The following SYT1 variants were observed in gnomAD, a reference collection of about 807,000 sequenced individuals.
SYT1 encodes the protein synaptotagmin 1, also known as synaptotagmin-1.
Under a neutral mutation model 44.8 loss-of-function variants are expected in SYT1, and 8 were observed. The ratio of observed to expected loss-of-function variants is 0.18; its 90% CI spans 0.10 to 0.32. The LOEUF is 0.32. SYT1 is among the 10% of genes least tolerant of loss of function. SYT1 has a pLI of 1.00. For synonymous variants in SYT1, 154 were observed against 188.8 expected, an observed-to-expected ratio of 0.82 and a Z score of 1.51; for missense variants, 286 against 509.3, an observed-to-expected ratio of 0.56 and a Z score of 4.22.
chr12:78,877,384 T>C (rs193177357), intron 1 of SYT1, among the ~76,000 whole-genome samples: 483 of 151,610 alleles, frequency 3.2e-3, no homozygotes, highest in Non-Finnish European at 5.1e-3. Context: ...ACTCTGTCCC[T>C]CCCACAACAT....
At chr12:79,236,617 T>A (rs1876206591) in intron 4 of SYT1, among the ~76,000 whole-genome samples, 1 of 152,236 alleles carries the variant, frequency 6.6e-6, no homozygotes, top group African/African-American at 2.4e-5. Flanking sequence ...ATATCTTCCT[T>A]ACTAGATTTT....
At chr12:78,947,209 T>A (rs1441589278) in intron 1 of SYT1, among the ~76,000 whole-genome samples, 1 of 152,214 alleles carries the variant, frequency 6.6e-6, no homozygotes, top group Non-Finnish European at 1.5e-5. Context: ...ATGATGTCCC[T>A]CATGTATTGC....
At chr12:79,284,333 A>G (rs1431623916) in intron 4 of SYT1, among the ~76,000 whole-genome samples, 1 of 152,118 alleles carries the variant, frequency 6.6e-6, no homozygotes, top group Non-Finnish European at 1.5e-5. Flanking sequence ...TTATGTATAT[A>G]TGTTCTATTA....
At chr12:79,316,381 T>A (rs771234630) in intron 8 of SYT1, among the ~76,000 whole-genome samples, 1 of 152,232 alleles carries the variant, frequency 6.6e-6, no homozygotes, top group Non-Finnish European at 1.5e-5. Context: ...ATATCAAGAT[T>A]TATCCATTTT....
At chr12:79,200,913 G>A (rs1034285310) in intron 3 of SYT1, among the ~76,000 whole-genome samples, 3 of 152,162 alleles carry the variant, frequency 2.0e-5, no homozygotes, top group African/African-American at 7.2e-5. Context: ...TTGTAAGCCA[G>A]ATAAATATCT....
rs1205297862 is a variant in SYT1, at chr12:78,931,401, G to C, written c.-216-46398G>C. Among the ~76,000 whole-genome samples the C allele has an allele frequency of 5.6e-4, 57 of 102,408 alleles. 1 individual carries two copies. The highest frequency in any genetic ancestry group is 9.5e-4 in the Non-Finnish European group (51 of 53,582). 67.2% of individuals were successfully genotyped at this position (102,408 alleles called of 152,430 possible). A position where few individuals can be genotyped will look rare whatever the true frequency, so the allele number is the denominator to read the frequency against. On this transcript the variant is annotated intron_variant, in intron 1 of 10. Transcript: ENST00000261205. ...GGAAGGAAGGAAGGAAGGAAGGGAG[G>C]AGAGAGGAAGGAAGGAAGGAAGGAA...
rs1480282029 is a variant in SYT1, at chr12:79,291,979, T to A, written c.352-29T>A. On this transcript the variant is annotated intron_variant, in intron 5 of 10. Coordinates refer to ENST00000261205, the MANE Select transcript of SYT1 (RefSeq NM_005639.3). ...TTGAGTTTTGATGAAAACTCTGAAA[T>A]TCACATGTGATCCTTTCTCTATACA... The A allele has an allele frequency of 1.9e-6, 3 of 1,612,440 alleles. No homozygotes were observed. The East Asian group carries it at 6.7e-5, about 36-fold the overall frequency.
rs1485232712 is a variant in SYT1, at chr12:79,208,315, GT to G, written c.-17-9187del. The stretch of plus-strand genomic sequence containing the variant: ...CAGAAACTCGTGGGCTGCTTTAATG[GT>G]GTGAATTGATGTCTTATTCTCCTAT... On this transcript the variant is annotated intron_variant, in intron 3 of 10. Coordinates refer to ENST00000261205, the MANE Select transcript of SYT1 (RefSeq NM_005639.3). 3.9e-5 allele frequency among the ~76,000 whole-genome samples: 6 copies of G among 152,266 alleles called. No individual in the cohort carries two copies. The East Asian group carries it at 1.2e-3, about 29-fold the overall frequency.
chr12:79,349,045 G>GAGAAAGAAAGAA (rs1442879571), intron 8 of SYT1, among the ~76,000 whole-genome samples: 10 of 115,854 alleles, frequency 8.6e-5, no homozygotes, highest in African/African-American at 3.3e-4. Context: ...AAGAAAGAAA[G>GAGAAAGAAAGAA]AAAGAAAGAA....
intron 4 of SYT1, among the ~76,000 whole-genome samples, chr12:79,283,085 A>T (rs978624830): frequency 6.6e-6 from 1 of 152,158 alleles, no homozygotes; most frequent in Non-Finnish European, 1.5e-5. Context: ...AACTCTATTT[A>T]CTAAAAATGG....
intron 1 of SYT1, among the ~76,000 whole-genome samples, chr12:78,939,753 A>C (rs1262816932): frequency 6.6e-6 from 1 of 152,196 alleles, no homozygotes; most frequent in East Asian, 1.9e-4. Flanking sequence ...TTTTATAAGC[A>C]TGACATTGGC....
In SYT1 at chr12:79,139,124, A is replaced by G. The variant is rs549449364; in HGVS notation, c.-17-78379A>G. On this transcript the variant is annotated intron_variant, in intron 3 of 10. Transcript: ENST00000261205. ...CCCCCACACAGAAACAACATCCAAG[A>G]TGTCTGCGTCCTTAGTCGCAGGCCT... Among the ~76,000 whole-genome samples the G allele has an allele frequency of 1.2e-4, 19 of 152,192 alleles. 1 individual carries two copies. In the South Asian group the frequency reaches 4.0e-3, roughly 32 times the overall value.
At chr12:78,937,773 T>C (rs1179857890) in intron 1 of SYT1, among the ~76,000 whole-genome samples, 2 of 152,200 alleles carry the variant, frequency 1.3e-5, no homozygotes, top group Non-Finnish European at 2.9e-5. Flanking sequence ...TATAGTGTGC[T>C]ATAATGCTGA....
At chr12:79,126,233 A>G (rs760032882) in intron 3 of SYT1, among the ~76,000 whole-genome samples, 5 of 152,140 alleles carry the variant, frequency 3.3e-5, no homozygotes, top group African/African-American at 1.2e-4. Flanking sequence ...CCATTAATAA[A>G]AGTGGTTTTT....
intron 3 of SYT1, among the ~76,000 whole-genome samples, chr12:79,194,091 C>T (rs1178442945): frequency 6.6e-6 from 1 of 151,956 alleles, no homozygotes. Context: ...CAGAGTGAGC[C>T]TCTGAGGAAA....
At chr12:79,249,346 C>T (rs965997314) in intron 4 of SYT1, among the ~76,000 whole-genome samples, 1 of 151,706 alleles carries the variant, frequency 6.6e-6, no homozygotes, top group Non-Finnish European at 1.5e-5. Flanking sequence ...CCTCATGATC[C>T]ACCCGCCTCG....
At position 79,228,775 on chromosome 12, in the gene SYT1, C is replaced by G. The variant is rs369236511; in HGVS notation, c.166+11090C>G. Among the ~76,000 whole-genome samples the G allele has an allele frequency of 5.3e-5, 8 of 152,306 alleles. 1 individual carries two copies. Among genetic ancestry groups the G allele is most frequent in the Admixed American group, 3.3e-4 (5 of 15,296 alleles). ...GTTATGTGAACTACCTTGAACGTCT[C>G]TCAAAACCAGCCAGCACTTCACTAC... is the stretch of plus-strand genomic sequence containing the variant. On this transcript the variant is annotated intron_variant, in intron 4 of 10. Coordinates refer to ENST00000261205, the MANE Select transcript of SYT1 (RefSeq NM_005639.3).
intron 8 of SYT1, among the ~76,000 whole-genome samples, chr12:79,346,194 C>A (rs1334964341): frequency 1.3e-5 from 2 of 152,120 alleles, no homozygotes; most frequent in African/African-American, 4.8e-5. Flanking sequence ...CATTTTAAAT[C>A]AAGCTTTTTA....
At chr12:79,212,390 T>A (rs961355544) in intron 3 of SYT1, among the ~76,000 whole-genome samples, 7 of 151,570 alleles carry the variant, frequency 4.6e-5, no homozygotes, top group African/African-American at 1.7e-4. Context: ...GGGAGAGCAT[T>A]AGGACAAATA....
Sources: gnomAD v4.1 joint callset for allele counts (sites outside exome capture counted in the v4.1 genomes callset) on GRCh38, gnomAD v4.1.1 for gene constraint, MANE v1.5 for transcripts, NCBI Gene and HGNC (gene_info 2026-07-23, HGNC 2026-07-21) for gene names.